KIF13A: variants seen among roughly 807,000 people sequenced by gnomAD.
KIF13A encodes the protein kinesin family member 13A.
In KIF13A, 79 loss-of-function variants were observed where a neutral mutation model predicts 212.2. That is an observed-to-expected ratio of 0.37 (90% CI 0.31 to 0.45). KIF13A has a LOEUF of 0.45. KIF13A is among the 20% of genes least tolerant of loss of function. KIF13A has a pLI of 1.00. For missense variants in KIF13A, 1,901 were observed against 2,209.0 expected, an observed-to-expected ratio of 0.86 and a Z score of 2.79; for synonymous variants, 789 against 808.6, an observed-to-expected ratio of 0.98 and a Z score of 0.41.
chr6:17,801,847 G>A (rs912174732), intron 20 of KIF13A, among the ~76,000 whole-genome samples: 5 of 152,142 alleles, frequency 3.3e-5, no homozygotes, highest in African/African-American at 9.7e-5. Flanking sequence ...CAGATATGAG[G>A]AATGTTACTT....
downstream of KIF13A, among the ~76,000 whole-genome samples, chr6:17,762,695 C>T (rs1189868613): frequency 6.6e-6 from 1 of 152,160 alleles, no homozygotes; most frequent in Non-Finnish European, 1.5e-5. Flanking sequence ...TGCTTTAATC[C>T]AGGTAAAGAA....
At chr6:17,875,456 C>CTTTTTT (rs758607280) in intron 3 of KIF13A, among the ~76,000 whole-genome samples, 16 of 137,146 alleles carry the variant, frequency 1.2e-4, no homozygotes, top group African/African-American at 4.3e-4. Context: ...TTTTCTTTTC[C>CTTTTTT]TTTTTTTTTT....
chr6:17,955,917 T>A (rs899992778), intron 2 of KIF13A, among the ~76,000 whole-genome samples: 1 of 152,246 alleles, frequency 6.6e-6, no homozygotes, highest in African/African-American at 2.4e-5. Flanking sequence ...TATTTAAAGA[T>A]GATGACACTA....
chr6:17,985,575 G>C (rs1188410279), intron 2 of KIF13A, among the ~76,000 whole-genome samples: 5 of 139,834 alleles, frequency 3.6e-5, no homozygotes, highest in African/African-American at 1.4e-4. Context: ...TGTTCCCCCA[G>C]ACTGCTTTCA....
intron 38 of KIF13A, 129 bp from the exon 39 acceptor site, chr6:17,765,075 C>A (rs995510803): frequency 1.4e-6 from 1 of 705,062 alleles, no homozygotes; most frequent in Non-Finnish European, 2.3e-6. Context: ...TTTTGTCTTT[C>A]CAAATTTGGC....
chr6:17,976,215 G>A (rs1780445735), intron 2 of KIF13A, among the ~76,000 whole-genome samples: 1 of 152,248 alleles, frequency 6.6e-6, no homozygotes, highest in Non-Finnish European at 1.5e-5. Flanking sequence ...TGGTCGATGG[G>A]ACTGGGCGCG....
intron 2 of KIF13A, among the ~76,000 whole-genome samples, chr6:17,929,287 T>C (rs1458800791): frequency 6.6e-6 from 1 of 152,070 alleles, no homozygotes; most frequent in Non-Finnish European, 1.5e-5. Context: ...AAGGCAAGGC[T>C]AGAATGCAGT....
chr6:17,934,346 G>A lies in KIF13A; in HGVS notation c.147-36166C>T, dbSNP rs1055522338. 1.3e-5 allele frequency among the ~76,000 whole-genome samples: 2 copies of A among 152,160 alleles called. No homozygotes were observed. The highest frequency in any genetic ancestry group is 6.5e-5 in the Admixed American group (1 of 15,278). ...ACACCAGTTGCTTAAGTGCAGACGA[G>A]AGCGGCTGAACACCATCCCATTCCT... On this transcript the variant is annotated intron_variant, in intron 2 of 38. Transcript: ENST00000259711. This position sits in a 1 kb window ranked among gnomAD's most constrained non-coding sequence, Gnocchi z 5.4.
At chr6:17,930,434 A>G (rs1775890396) in intron 2 of KIF13A, among the ~76,000 whole-genome samples, 1 of 152,224 alleles carries the variant, frequency 6.6e-6, no homozygotes, top group South Asian at 2.1e-4. Flanking sequence ...ATGCATTTCC[A>G]CAGAGACAGT....
rs1224033484 is a variant in KIF13A, at chr6:17,839,054, A to G, written c.831-1471T>C. Among the ~76,000 whole-genome samples the G allele has an allele frequency of 6.6e-6, 1 of 152,202 alleles. No homozygotes were observed. The highest frequency in any genetic ancestry group is 1.9e-4 in the East Asian group (1 of 5,192). ...AGGCTGGTCTTGAACTCCTGATCTC[A>G]GGTGATCCACCCATCCTGGCATCCC... On this transcript the variant is annotated intron_variant, in intron 9 of 38. Transcript: ENST00000259711. The surrounding 1 kb of genome is among the most constrained non-coding windows in gnomAD (Gnocchi z 4.3).
chr6:17,802,928 TTTTGTTTTTTTTTG>T (rs1360696431), intron 20 of KIF13A, among the ~76,000 whole-genome samples: 4 of 131,132 alleles, frequency 3.1e-5, no homozygotes, highest in Non-Finnish European at 6.8e-5. Flanking sequence ...TTTGTGTTTT[TTTTGTTTTTTTTTG>T]TTTTGTTTTG....
intron 2 of KIF13A, among the ~76,000 whole-genome samples, chr6:17,909,810 G>C (rs1342013087): frequency 2.6e-5 from 4 of 151,930 alleles, no homozygotes; most frequent in Admixed American, 1.3e-4. Context: ...AGGAGAACCT[G>C]GGAGGCAGAG....
At chr6:17,970,218 G>A (rs897633513) in intron 2 of KIF13A, among the ~76,000 whole-genome samples, 5 of 150,530 alleles carry the variant, frequency 3.3e-5, no homozygotes, top group African/African-American at 7.3e-5. Context: ...CACCGCGCCC[G>A]GCCGTGTTTT....
rs895847630 is a variant in KIF13A, at chr6:17,785,084, A to C, written c.3488+431T>G. On this transcript the variant is annotated intron_variant, in intron 28 of 38. Transcript: ENST00000259711. The surrounding 1 kb of genome is among the most constrained non-coding windows in gnomAD (Gnocchi z 5.8). Reference sequence around the variant, plus strand: ...AATGGGTATGAAAGGTGTTTTATACACATTACAATATACAAGATAGTATTA... The same window carrying C: ...AATGGGTATGAAAGGTGTTTTATACCCATTACAATATACAAGATAGTATTA... Among the ~76,000 whole-genome samples, 1 of 152,212 alleles carries C rather than the reference A, an allele frequency of 6.6e-6. No homozygotes were observed. The highest frequency in any genetic ancestry group is 1.5e-5 in the Non-Finnish European group (1 of 68,042).
intron 2 of KIF13A, among the ~76,000 whole-genome samples, chr6:17,939,186 A>G (rs1015347502): frequency 6.6e-5 from 10 of 152,178 alleles, no homozygotes; most frequent in African/African-American, 2.4e-4. Flanking sequence ...CTACATATTA[A>G]CAACACTAAA....
At chr6:17,925,642 G>A (rs1775431913) in intron 2 of KIF13A, among the ~76,000 whole-genome samples, 1 of 152,178 alleles carries the variant, frequency 6.6e-6, no homozygotes, top group African/African-American at 2.4e-5. Context: ...AACAGTCCGT[G>A]GGCAGGAGCT....
chr6:17,829,969 CA>C lies in KIF13A; in HGVS notation c.1401+1131del. ...TTTAGAGATTCAGGTGTGTGGACAGCATATGTAAGCTGCCTTCAAGGCCCCA... is the reference window on the plus strand; with the variant it reads ...TTTAGAGATTCAGGTGTGTGGACAGCTATGTAAGCTGCCTTCAAGGCCCCA... On this transcript the variant is annotated intron_variant, in intron 13 of 38. Coordinates refer to ENST00000259711, the MANE Select transcript of KIF13A (RefSeq NM_022113.6). The surrounding 1 kb of genome is among the most constrained non-coding windows in gnomAD (Gnocchi z 5.4). Among the ~76,000 whole-genome samples, 1 of 152,230 alleles carries C rather than the reference CA, an allele frequency of 6.6e-6. No homozygotes were observed. The highest frequency in any genetic ancestry group is 2.1e-4 in the South Asian group (1 of 4,822).
intron 3 of KIF13A, among the ~76,000 whole-genome samples, chr6:17,893,597 T>C (rs1432239203): frequency 6.6e-6 from 1 of 152,194 alleles, no homozygotes; most frequent in African/African-American, 2.4e-5. Flanking sequence ...TTAACTGCAC[T>C]GCCTAGGACC....
Position 17,799,974 on chromosome 6 carries a change from C to A in KIF13A, c.2594G>T (p.Arg865Leu), listed in dbSNP as rs749172071. 6.2e-7 allele frequency: 1 copy of A among 1,613,680 alleles called. No homozygotes were observed. Among genetic ancestry groups the A allele is most frequent in the African/African-American group, 1.3e-5 (1 of 74,888 alleles). ...VVDSSGEIIH[R>L]VKKLTCRVKI... ...CACCCGACATGTCAGCTTTTTGACT[C>A]GGTGAATGATTTCCCCGCTGCTGTC... Residue 865 changes from arginine (R) to leucine (L), a missense_variant, in exon 21 of 39, where the codon CGA (arginine) becomes CTA (leucine). Around this residue, in one of 5 missense-constraint regions of KIF13A, gnomAD observed 534 missense variants for 536.9 expected, o/e 0.99. Transcript: ENST00000259711. The surrounding 1 kb of genome is among the most constrained non-coding windows in gnomAD (Gnocchi z 4.4).
Sources: allele counts gnomAD v4.1 joint callset (sites outside exome capture counted in the v4.1 genomes callset), GRCh38; gene constraint gnomAD v4.1.1; regional missense constraint gnomAD v4.1.1; non-coding constraint Gnocchi (gnomAD v3.1); transcripts MANE v1.5; gene names NCBI Gene and HGNC (gene_info 2026-07-23, HGNC 2026-07-21).